TPTE: variants seen among roughly 807,000 people sequenced by gnomAD.
TPTE encodes the protein putative tyrosine-protein phosphatase TPTE.
A neutral mutation model predicts 84.1 loss-of-function variants in TPTE; 59 were observed. The observed-to-expected ratio is 0.70, with a 90% CI of 0.57 to 0.87. The LOEUF (loss-of-function observed/expected upper bound fraction) is 0.87. Ranked by LOEUF, TPTE falls within the 40% of genes least tolerant of loss-of-function variation. TPTE has a pLI of 0.00. For synonymous variants in TPTE, 130 were observed against 223.5 expected, an observed-to-expected ratio of 0.58 and a Z score of 3.73; for missense variants, 382 against 659.6, an observed-to-expected ratio of 0.58 and a Z score of 4.61.
intron 7 of TPTE, among the ~76,000 whole-genome samples, chr21:10,549,442 A>C (rs2074531530): frequency 6.6e-6 from 1 of 152,308 alleles, no homozygotes; most frequent in South Asian, 2.1e-4. Flanking sequence ...AAGGTAATAC[A>C]GATAGACAAG....
chr21:10,550,747 G>T (rs1357846950), intron 7 of TPTE, among the ~76,000 whole-genome samples: 1 of 152,306 alleles, frequency 6.6e-6, no homozygotes, highest in Non-Finnish European at 1.5e-5. Context: ...AGACCAAATG[G>T]ACATAAATAA....
At chr21:10,601,039 G>C (rs796454380) in intron 21 of TPTE, among the ~76,000 whole-genome samples, 573 of 151,340 alleles carry the variant, frequency 3.8e-3, no homozygotes, top group African/African-American at 0.013. Flanking sequence ...ACCGTGATAA[G>C]TTATGCATTG....
Position 10,543,328 on chromosome 21 carries a change from G to A in TPTE, c.120-1G>A, listed in dbSNP as rs200578446. 86 of 1,613,832 alleles carry A rather than the reference G, an allele frequency of 5.3e-5. No individual in the cohort carries two copies. The East Asian group carries it at 1.7e-3, about 32-fold the overall frequency. On this transcript the variant is annotated splice_acceptor_variant, in intron 6 of 23. Transcript: ENST00000618007. LOFTEE classifies it high-confidence loss of function. ...GACTGTATTCTTTTATCATCCTCTA[G>A]CCCACACACAAGTGAATTTAAAGGA...
At chr21:10,535,832 C>T (rs1166459933) in intron 3 of TPTE, among the ~76,000 whole-genome samples, 2 of 152,308 alleles carry the variant, frequency 1.3e-5, no homozygotes, top group Non-Finnish European at 2.9e-5. Flanking sequence ...TAGGGAGTTC[C>T]TGACTCAGGC....
intron 14 of TPTE, among the ~76,000 whole-genome samples, chr21:10,573,209 T>G (rs1031705814): frequency 6.6e-6 from 1 of 152,310 alleles, no homozygotes; most frequent in Non-Finnish European, 1.5e-5. Context: ...ACTTATCAGA[T>G]AAAAACAGAC....
intron 7 of TPTE, among the ~76,000 whole-genome samples, chr21:10,550,217 C>T (rs953861267): frequency 2.6e-5 from 4 of 152,306 alleles, no homozygotes; most frequent in African/African-American, 9.6e-5. Context: ...TGAAAACATG[C>T]AAAACCTCCT....
At chr21:10,542,494 A>G in intron 6 of TPTE, 46 bp downstream of exon 6, 3 of 1,602,598 alleles carry the variant, frequency 1.9e-6, no homozygotes, top group East Asian at 2.2e-5. Flanking sequence ...AAGTGTGCAT[A>G]GAACTATACA....
At position 10,542,567 on chromosome 21, in the gene TPTE, C is replaced by G; in HGVS notation, c.119+119C>G. The G allele has an allele frequency of 1.1e-5, 9 of 831,912 alleles. No individual in the cohort carries two copies. In the South Asian group the frequency reaches 1.7e-4, roughly 15 times the overall value. 51.5% of individuals were successfully genotyped at this position (831,912 alleles called of 1,614,324 possible). On this transcript the variant is annotated intron_variant, in intron 6 of 23. Coordinates refer to ENST00000618007, the MANE Select transcript of TPTE (RefSeq NM_199261.4). ...TCCATCCATCCATCCATCCATTCAT[C>G]CATCCATCCATCCATCCATCCATTC... is the stretch of plus-strand genomic sequence containing the variant.
intron 17 of TPTE, among the ~76,000 whole-genome samples, chr21:10,582,996 T>G (rs1309099531): frequency 6.6e-6 from 1 of 152,306 alleles, no homozygotes; most frequent in Non-Finnish European, 1.5e-5. Context: ...GCCTCCCAAA[T>G]TGCTGGGATT....
chr21:10,553,704 G>C (rs866999809), intron 8 of TPTE, among the ~76,000 whole-genome samples: 28 of 152,212 alleles, frequency 1.8e-4, no homozygotes, highest in Non-Finnish European at 1.3e-4. Flanking sequence ...TTTCATAACA[G>C]GGGGATGATA....
intron 21 of TPTE, among the ~76,000 whole-genome samples, chr21:10,600,156 T>TTTC (rs112372026): frequency 6.6e-6 from 1 of 151,570 alleles, no homozygotes; most frequent in African/African-American, 2.4e-5. Context: ...TTTTTTTTTT[T>TTTC]GAGACGGAGT....
At chr21:10,530,590 T>G (rs1199223484) in intron 3 of TPTE, among the ~76,000 whole-genome samples, 1 of 152,300 alleles carries the variant, frequency 6.6e-6, no homozygotes, top group African/African-American at 2.4e-5. Context: ...TATTGCTTCC[T>G]ACCATTTGCC....
At chr21:10,540,673 G>A (rs552168008) in intron 4 of TPTE, 101 of 519,176 alleles carry the variant, frequency 1.9e-4, no homozygotes, top group South Asian at 6.4e-4. Context: ...ACATGGGATG[G>A]AGCCCTTGCT....
At chr21:10,528,005 T>G (rs2074110229) in intron 3 of TPTE, among the ~76,000 whole-genome samples, 1 of 152,210 alleles carries the variant, frequency 6.6e-6, no homozygotes, top group Middle Eastern at 3.2e-3. Flanking sequence ...CACATGATGA[T>G]CAGGTTCAGT....
At chr21:10,598,876 GCTTTTTTGGCCTCTCCCGA>G (rs2075639091) in intron 21 of TPTE, among the ~76,000 whole-genome samples, 1 of 152,306 alleles carries the variant, frequency 6.6e-6, no homozygotes, top group African/African-American at 2.4e-5. Flanking sequence ...TCTGCGCCCG[GCTTTTTTGGCCTCTCCCGA>G]CTGAGGGCAT....
At chr21:10,545,184 G>A (rs2074442457) in intron 7 of TPTE, among the ~76,000 whole-genome samples, 1 of 152,254 alleles carries the variant, frequency 6.6e-6, no homozygotes, top group Admixed American at 6.5e-5. Flanking sequence ...ATCAATGATG[G>A]GTGAAATTTC....
intron 10 of TPTE, among the ~76,000 whole-genome samples, chr21:10,566,999 T>C (rs2074934800): frequency 6.7e-6 from 1 of 148,958 alleles, no homozygotes; most frequent in African/African-American, 2.5e-5. Context: ...AAAAAAATAC[T>C]GTCATTTGGA....
intron 17 of TPTE, among the ~76,000 whole-genome samples, chr21:10,580,488 G>T (rs1309781611): frequency 6.6e-6 from 1 of 152,306 alleles, no homozygotes; most frequent in Non-Finnish European, 1.5e-5. Flanking sequence ...CCAATTTCAT[G>T]TTTCACAGTT....
At chr21:10,572,469 A>AAT (rs2075065266) in intron 14 of TPTE, among the ~76,000 whole-genome samples, 1 of 150,300 alleles carries the variant, frequency 6.7e-6, no homozygotes, top group Non-Finnish European at 1.5e-5. Context: ...AAAAAAAAAA[A>AAT]AAAGGAAATG....
Sources: allele counts gnomAD v4.1 joint callset (sites outside exome capture counted in the v4.1 genomes callset), GRCh38; gene constraint gnomAD v4.1.1; transcripts MANE v1.5; gene names NCBI Gene and HGNC (gene_info 2026-07-23, HGNC 2026-07-21).